The following ARHGAP32 variants were observed in gnomAD, a reference collection of about 807,000 sequenced individuals.
ARHGAP32 encodes the protein Rho GTPase activating protein 32.
ARHGAP32 carries 51 observed loss-of-function variants against 186.5 expected under a neutral mutation model. The observed-to-expected ratio is 0.27, with a 90% CI of 0.22 to 0.35. The LOEUF is 0.35. ARHGAP32 is among the 10% of genes least tolerant of loss of function. ARHGAP32 has a pLI of 1.00. For synonymous variants in ARHGAP32, 950 were observed against 964.3 expected (o/e 0.99, Z 0.27); for missense variants, 2,186 against 2,623.5 (o/e 0.83, Z 3.64).
intron 10 of ARHGAP32, among the ~76,000 whole-genome samples, chr11:129,051,336 T>G (rs1020996346): frequency 6.6e-6 from 1 of 152,232 alleles, no homozygotes; most frequent in Non-Finnish European, 1.5e-5. Context: ...ATCGCCATTC[T>G]AACTGGTGTG....
chr11:129,158,122 T>C (rs1025109804), intron 2 of ARHGAP32, among the ~76,000 whole-genome samples: 2 of 152,054 alleles, frequency 1.3e-5, no homozygotes, highest in African/African-American at 2.4e-5. Context: ...TACAAAAACA[T>C]ACCAAATTGT....
At chr11:129,122,938 A>G (rs1413418704) in intron 5 of ARHGAP32, among the ~76,000 whole-genome samples, 2 of 152,132 alleles carry the variant, frequency 1.3e-5, no homozygotes, top group Non-Finnish European at 2.9e-5. Context: ...TAATATATAT[A>G]TAATGTACAA....
intron 1 of ARHGAP32, among the ~76,000 whole-genome samples, chr11:129,245,973 T>C (rs1055742497): frequency 1.3e-5 from 2 of 152,206 alleles, no homozygotes; most frequent in African/African-American, 4.8e-5. Flanking sequence ...AGATATTCAC[T>C]AAACCTTTGA....
intron 1 of ARHGAP32, among the ~76,000 whole-genome samples, chr11:129,177,264 A>G (rs1375772662): frequency 1.3e-5 from 2 of 152,292 alleles, no homozygotes; most frequent in Non-Finnish European, 1.5e-5. Context: ...GAATAGACCA[A>G]TAACAGGAGC....
chr11:129,124,265 A>C (rs1230055183), intron 3 of ARHGAP32, among the ~76,000 whole-genome samples: 6 of 152,172 alleles, frequency 3.9e-5, no homozygotes, highest in African/African-American at 1.4e-4. Context: ...GCATGAAACA[A>C]AATTTTAACT....
intron 5 of ARHGAP32, among the ~76,000 whole-genome samples, chr11:129,117,178 C>T (rs1942390293): frequency 6.6e-6 from 1 of 151,952 alleles, no homozygotes; most frequent in Admixed American, 6.6e-5. Context: ...TACAAAAGAA[C>T]ATGCAGAATG....
At chr11:129,060,959 A>C (rs891719168) in intron 10 of ARHGAP32, among the ~76,000 whole-genome samples, 2 of 151,528 alleles carry the variant, frequency 1.3e-5, no homozygotes, top group Non-Finnish European at 2.9e-5. Flanking sequence ...AGAATTAAAC[A>C]ATTTGCCCGA....
chr11:129,255,659 A>C (rs189253388), intron 1 of ARHGAP32, among the ~76,000 whole-genome samples: 8 of 152,194 alleles, frequency 5.3e-5, no homozygotes, highest in African/African-American at 1.9e-4. Context: ...AATATAAAAA[A>C]GACTCTCACA....
At chr11:129,182,803 C>T (rs1281851838) in intron 1 of ARHGAP32, among the ~76,000 whole-genome samples, 1 of 151,852 alleles carries the variant, frequency 6.6e-6, no homozygotes, top group African/African-American at 2.4e-5. Context: ...ACCACCATGC[C>T]AGGCTAAGTT....
At chr11:129,062,221 A>G in intron 10 of ARHGAP32, 59 bp downstream of exon 10, 1 of 1,430,194 alleles carries the variant, frequency 7.0e-7, no homozygotes, top group Non-Finnish European at 9.8e-7. Flanking sequence ...CAAAAGTATT[A>G]CTGAATCATA....
At chr11:129,186,843 T>C (rs1336696011) in intron 1 of ARHGAP32, among the ~76,000 whole-genome samples, 3 of 152,238 alleles carry the variant, frequency 2.0e-5, no homozygotes, top group Middle Eastern at 3.4e-3. Context: ...AAATGGCTTA[T>C]ATCCAAAAGA....
chr11:128,980,521 C>T (rs762785548), intron 18 of ARHGAP32, 32 bp downstream of exon 18: 1 of 1,538,820 alleles, frequency 6.5e-7, no homozygotes, highest in Admixed American at 1.8e-5. Flanking sequence ...CTATGAAAAT[C>T]ATATCCCAAA....
At chr11:129,041,612 G>C (rs545389334) in intron 10 of ARHGAP32, among the ~76,000 whole-genome samples, 177 of 152,236 alleles carry the variant, frequency 1.2e-3, no homozygotes, top group African/African-American at 4.1e-3. Context: ...AAGTAAGAGA[G>C]AAGAAAACAG....
At chr11:129,216,376 T>A (rs1321223307) in intron 1 of ARHGAP32, among the ~76,000 whole-genome samples, 1 of 152,162 alleles carries the variant, frequency 6.6e-6, no homozygotes, top group Non-Finnish European at 1.5e-5. Context: ...TTTATTCTAA[T>A]TCTTTATTAA....
intron 1 of ARHGAP32, among the ~76,000 whole-genome samples, chr11:129,226,118 A>C (rs1402438597): frequency 2.0e-5 from 3 of 152,188 alleles, no homozygotes; most frequent in Non-Finnish European, 4.4e-5. Context: ...GAAAGAAAAC[A>C]AAATGAAGAT....
At chr11:129,024,729 T>A (rs117146208) in intron 11 of ARHGAP32, among the ~76,000 whole-genome samples, 7,852 of 152,278 alleles carry the variant, frequency 0.052, 302 homozygotes, top group Middle Eastern at 0.1. Context: ...ACTACACAGA[T>A]GTTAAATATG....
intron 5 of ARHGAP32, among the ~76,000 whole-genome samples, chr11:129,112,426 A>G (rs935887396): frequency 1.3e-5 from 2 of 151,760 alleles, no homozygotes; most frequent in Non-Finnish European, 1.5e-5. Flanking sequence ...CTGCATATCT[A>G]AATCTCCTGC....
intron 11 of ARHGAP32, among the ~76,000 whole-genome samples, chr11:129,016,738 T>G (rs147337233): frequency 6.6e-6 from 1 of 152,292 alleles, no homozygotes; most frequent in East Asian, 1.9e-4. Context: ...CTTGTCAAAT[T>G]AGAAGGAGAA....
At chr11:129,259,802 T>C (rs1035742702) in intron 1 of ARHGAP32, among the ~76,000 whole-genome samples, 1 of 152,192 alleles carries the variant, frequency 6.6e-6, no homozygotes, top group Non-Finnish European at 1.5e-5. Context: ...GAATATCTAA[T>C]TAGATTTTGC....
Sources: allele counts gnomAD v4.1 joint callset (sites outside exome capture counted in the v4.1 genomes callset), GRCh38; gene constraint gnomAD v4.1.1; transcripts MANE v1.5; gene names NCBI Gene and HGNC (gene_info 2026-07-23, HGNC 2026-07-21).